Variants in NAGLU observed in about 807,000 individuals in gnomAD.
NAGLU encodes N-acetyl-alpha-glucosaminidase, also known as alpha-N-acetylglucosaminidase.
Under a neutral mutation model 43.4 loss-of-function variants are expected in NAGLU, and 34 were observed. The ratio of observed to expected loss-of-function variants is 0.78; its 90% confidence interval spans 0.60 to 1.04. The LOEUF is 1.04. Ranked by LOEUF, NAGLU falls within the 50% of genes least tolerant of loss-of-function variation. NAGLU has a pLI of 0.00. For missense variants in NAGLU, 910 were observed against 993.7 expected, an observed-to-expected ratio of 0.92 and a Z score of 1.13; for synonymous variants, 425 against 437.6, an observed-to-expected ratio of 0.97 and a Z score of 0.36.
chr17:42,537,247 C>A, intron 1 of NAGLU, 151 bp from the exon 2 acceptor site: 1 of 1,176,508 alleles, frequency 8.5e-7, no homozygotes, highest in Non-Finnish European at 1.2e-6. Flanking sequence ...GGTACCTGGT[C>A]TCAGCTCCAC....
chr17:42,541,372 C>T (rs2092921540), intron 5 of NAGLU, among the ~76,000 whole-genome samples, 166 bp downstream of exon 5: 1 of 152,174 alleles, frequency 6.6e-6, no homozygotes, highest in Non-Finnish European at 1.5e-5. Flanking sequence ...CAGTGAATCC[C>T]ACTGTGGTTG....
Position 42,541,059 on chromosome 17 carries a change from G to T in NAGLU, c.874G>T (p.Gly292Trp). 6.2e-7 allele frequency: 1 copy of T among 1,614,088 alleles called. No individual in the cohort carries two copies. The highest frequency in any genetic ancestry group is 8.5e-7 in the Non-Finnish European group (1 of 1,180,032). The change falls in exon 5 of 6, where the codon GGG (glycine) becomes TGG (tryptophan). Residue 292 changes from glycine (G) to tryptophan (W), a missense_variant. Physicochemically the swap from Gly to Trp is radical, Grantham distance 184. Coordinates refer to ENST00000225927, the MANE Select transcript of NAGLU (RefSeq NM_000263.4). ...APEDPIFPII[G>W]SLFLRELIKE... Reference sequence around the variant, plus strand: ...GGAAGACCCCATATTCCCCATCATCGGGAGCCTCTTCCTGCGAGAGCTGAT... The same window carrying T: ...GGAAGACCCCATATTCCCCATCATCTGGAGCCTCTTCCTGCGAGAGCTGAT...
Position 42,536,441 on chromosome 17 carries a change from G to A in NAGLU, c.169G>A (p.Ala57Thr). Residue 57 changes from alanine to threonine, a missense_variant, in exon 1 of 6, where the codon GCT becomes ACT. Transcript: ENST00000225927. ...DFSVSVERAL[A>T]AKPGLDTYSL... ...CTCCGTGTCGGTGGAGCGCGCTCTG[G>A]CTGCCAAGCCGGGCTTGGACACCTA... 8.0e-7 allele frequency: 1 copy of A among 1,256,980 alleles called. No individual in the cohort carries two copies. The highest frequency in any genetic ancestry group is 1.0e-6 in the Non-Finnish European group (1 of 991,772). 77.9% of individuals were successfully genotyped at this position (1,256,980 alleles called of 1,614,324 possible).
At chr17:42,537,932 A>T (rs1349725082) in intron 2 of NAGLU, among the ~76,000 whole-genome samples, 3 of 150,718 alleles carry the variant, frequency 2.0e-5, no homozygotes, top group African/African-American at 7.3e-5. Context: ...TCCCCTATGC[A>T]GCCAATCACC....
At chr17:42,542,938 T>G (rs1039216856) in intron 5 of NAGLU, 90 bp from the exon 6 acceptor site, 3 of 1,574,986 alleles carry the variant, frequency 1.9e-6, no homozygotes, top group African/African-American at 2.7e-5. Context: ...TGACCTGGGA[T>G]AGACAGTCGT....
chr17:42,543,700 G>T lies in NAGLU; in HGVS notation c.1694G>T (p.Arg565Leu), dbSNP rs104894598. 5 of 1,612,526 alleles carry T rather than the reference G, an allele frequency of 3.1e-6. No individual in the cohort carries two copies. The South Asian group carries it at 3.3e-5, about 11-fold the overall frequency. Reference sequence around the variant, plus strand: ...CGCTACGACCTGCTGGACCTCACTCGGCAGGCAGTGCAGGAGCTGGTCAGC... The same window carrying T: ...CGCTACGACCTGCTGGACCTCACTCTGCAGGCAGTGCAGGAGCTGGTCAGC... Reference protein sequence around the residue: ...AFRYDLLDLTRQAVQELVSLY... With the variant: ...AFRYDLLDLTLQAVQELVSLY... Residue 565 changes from arginine to leucine, a missense_variant, in exon 6 of 6, where the codon CGG (arginine) becomes CTG (leucine). By Grantham distance (102) the Arg-to-Leu change is moderately radical. Transcript: ENST00000225927.
At chr17:42,540,809 T>G (rs936632884) in intron 4 of NAGLU, 141 bp from the exon 5 acceptor site, 2 of 1,224,072 alleles carry the variant, frequency 1.6e-6, no homozygotes, top group African/African-American at 3.0e-5. Context: ...AAGAAAGGAC[T>G]GTAGGCAGAG....
chr17:42,537,148 C>A, intron 1 of NAGLU: 1 of 537,976 alleles, frequency 1.9e-6, no homozygotes. Context: ...GGCAGTGTGG[C>A]ATGAAAGTGG....
intron 1 of NAGLU, 97 bp from the exon 2 acceptor site, chr17:42,537,300 GC>G: frequency 1.3e-6 from 2 of 1,572,012 alleles, no homozygotes; most frequent in Non-Finnish European, 1.7e-6. Context: ...CGAGTTTGGA[GC>G]CCCTCCCCTC....
chr17:42,543,892 C>T lies in NAGLU; in HGVS notation c.1886C>T (p.Ala629Val), dbSNP rs1331088020. Residue 629 changes from alanine (A) to valine (V), a missense_variant, in exon 6 of 6, where the codon GCA (alanine) becomes GTA (valine). Ala to Val is a moderately conservative substitution (Grantham distance 64). Transcript: ENST00000225927. ...TGGCTAGAGCAGGCCCGAGCAGCGG[C>T]AGTCAGTGAGGCCGAGGCCGATTTC... ...GSWLEQARAA[A>V]VSEAEADFYE... is the part of the protein sequence containing the mutation. The T allele has an allele frequency of 6.2e-7, 1 of 1,605,526 alleles. No individual in the cohort carries two copies. The highest frequency in any genetic ancestry group is 8.5e-7 in the Non-Finnish European group (1 of 1,176,312).
rs762238741 is a variant in NAGLU at position 42,537,522 on chromosome 17, G to A, written c.508G>A (p.Gly170Ser). The A allele has an allele frequency of 6.2e-7, 1 of 1,614,020 alleles. No individual in the cohort carries two copies. Among genetic ancestry groups the A allele is most frequent in the Non-Finnish European group, 8.5e-7 (1 of 1,179,946 alleles). The change falls in exon 2 of 6, where the codon GGC (glycine) becomes AGC (serine). Residue 170 changes from glycine to serine, a missense_variant. Coordinates refer to ENST00000225927, the MANE Select transcript of NAGLU (RefSeq NM_000263.4). ...CATCAACCTGGCACTGGCCTGGAGC[G>A]GCCAGGAGGCCATCTGGCAGCGGGT... is the stretch of plus-strand genomic sequence containing the variant. Reference protein sequence around the residue: ...NGINLALAWSGQEAIWQRVYL... With the variant: ...NGINLALAWSSQEAIWQRVYL...
intron 5 of NAGLU, 24 bp from the exon 6 acceptor site, chr17:42,543,004 G>A (rs1567893039): frequency 1.9e-6 from 3 of 1,598,836 alleles, no homozygotes; most frequent in Non-Finnish European, 2.5e-6. Flanking sequence ...CCTCTTCTCT[G>A]TTCCCCCTAC....
rs1215582852 is a variant in NAGLU, at chr17:42,543,778, T to C, written c.1772T>C (p.Leu591Pro). Reference sequence around the variant, plus strand: ...TACCTGAGCAAGGAGCTGGCCTCCCTGTTGAGGGCTGGAGGCGTCCTGGCC... The same window carrying C: ...TACCTGAGCAAGGAGCTGGCCTCCCCGTTGAGGGCTGGAGGCGTCCTGGCC... ...SAYLSKELAS[L>P]LRAGGVLAYE... is the part of the protein sequence containing the mutation. The change falls in exon 6 of 6, where the codon CTG (leucine) becomes CCG (proline). Residue 591 changes from leucine (L) to proline (P), a missense_variant. By Grantham distance (98) the Leu-to-Pro change is moderately conservative (BLOSUM62 -3). Coordinates refer to ENST00000225927, the MANE Select transcript of NAGLU (RefSeq NM_000263.4). 33 of 1,610,132 alleles carry C rather than the reference T, an allele frequency of 2.0e-5. No homozygotes were observed. The highest frequency in any genetic ancestry group is 2.7e-5 in the Non-Finnish European group (32 of 1,179,198).
chr17:42,543,604 G>T lies in NAGLU; in HGVS notation c.1598G>T (p.Arg533Leu), dbSNP rs767597884. Residue 533 changes from arginine (R) to leucine (L), a missense_variant, in exon 6 of 6, where the codon CGA (arginine) becomes CTA (leucine). Physicochemically the swap from Arg to Leu is moderately radical, Grantham distance 102. Transcript: ENST00000225927. Reference sequence around the variant, plus strand: ...ATGAATACCAGCATCTGGTACAACCGATCTGATGTGTTTGAGGCCTGGCGG... The same window carrying T: ...ATGAATACCAGCATCTGGTACAACCTATCTGATGTGTTTGAGGCCTGGCGG... ...LQMNTSIWYN[R>L]SDVFEAWRLL... 5.0e-6 allele frequency: 8 copies of T among 1,613,056 alleles called. No homozygotes were observed. Among genetic ancestry groups the T allele is most frequent in the Non-Finnish European group, 5.9e-6 (7 of 1,180,030 alleles).
chr17:42,536,764 C>T, intron 1 of NAGLU, 109 bp downstream of exon 1: 2 of 1,338,220 alleles, frequency 1.5e-6, no homozygotes, highest in Non-Finnish European at 9.6e-7. Flanking sequence ...GAAGGCCCAG[C>T]TGCGCCGCCT....
intron 4 of NAGLU, among the ~76,000 whole-genome samples, chr17:42,540,400 A>T (rs941657477): frequency 9.0e-5 from 12 of 132,760 alleles, no homozygotes; most frequent in Admixed American, 1.5e-4. Context: ...AAGTATAATT[A>T]AAAAAAAAAA....
chr17:42,544,374 G>A lies in NAGLU; in HGVS notation c.*136G>A. On this transcript the variant is annotated 3_prime_UTR_variant, in exon 6 of 6. Transcript: ENST00000225927. ...CCTGCTGGTGGGGTCTGACCTGGGG[G>A]GATTGGAGGGAAATGACCTGCCCTC... 7.5e-7 allele frequency: 1 copy of A among 1,339,666 alleles called. No homozygotes were observed. Among genetic ancestry groups the A allele is most frequent in the Non-Finnish European group, 1.0e-6 (1 of 967,576 alleles). 83.0% of individuals were successfully genotyped at this position (1,339,666 alleles called of 1,614,324 possible).
rs148408386 is a variant in NAGLU, at chr17:42,538,468, A to G, written c.661A>G (p.Lys221Glu). ...CCCCCTGCCCCCCTCCTGGCACATCAAGCAGCTTTACCTGCAGGTAAAAGG... is the reference window on the plus strand; with the variant it reads ...CCCCCTGCCCCCCTCCTGGCACATCGAGCAGCTTTACCTGCAGGTAAAAGG... Reference protein sequence around the residue: ...DGPLPPSWHIKQLYLQHRVLD... With the variant: ...DGPLPPSWHIEQLYLQHRVLD... Residue 221 changes from lysine (K) to glutamate (E), a missense_variant, in exon 3 of 6, where the codon AAG (lysine) becomes GAG (glutamate). Physicochemically the swap from Lys to Glu is moderately conservative, Grantham distance 56. Transcript: ENST00000225927. The G allele has an allele frequency of 1.9e-6, 3 of 1,614,032 alleles. No homozygotes were observed. The highest frequency in any genetic ancestry group is 2.5e-6 in the Non-Finnish European group (3 of 1,180,006).
chr17:42,540,593 G>A (rs985613534), intron 4 of NAGLU, among the ~76,000 whole-genome samples: 1 of 151,578 alleles, frequency 6.6e-6, no homozygotes, highest in Non-Finnish European at 1.5e-5. Context: ...CTACTAGGGA[G>A]GCTGAGGCAG....
Sources: gnomAD v4.1 joint callset for allele counts (sites outside exome capture counted in the v4.1 genomes callset) on GRCh38, gnomAD v4.1.1 for gene constraint, MANE v1.5 for transcripts, NCBI Gene and HGNC (gene_info 2026-07-23, HGNC 2026-07-21) for gene names.